PCDHA2: variants seen among roughly 807,000 people sequenced by gnomAD.
The protein encoded by PCDHA2 is protocadherin alpha 2, also known as protocadherin alpha-2.
Under a neutral mutation model 66.0 loss-of-function variants are expected in PCDHA2, and 58 were observed. That is an observed-to-expected ratio of 0.88 (90% confidence interval 0.71 to 1.09). The LOEUF is 1.09. Ranked by LOEUF, PCDHA2 falls within the 50% of genes least tolerant of loss-of-function variation. PCDHA2 has a pLI of 0.00. For synonymous variants in PCDHA2, 634 were observed against 554.0 expected (o/e 1.14, Z -2.03); for missense variants, 1,267 against 1,242.3 (o/e 1.02, Z -0.30).
chr5:140,933,522 T>A (rs1399438253), intron 1 of PCDHA2, among the ~76,000 whole-genome samples: 3 of 152,066 alleles, frequency 2.0e-5, no homozygotes, highest in Non-Finnish European at 4.4e-5. Flanking sequence ...AGCTGTTTTG[T>A]TTAAACTCAA....
intron 1 of PCDHA2, among the ~76,000 whole-genome samples, chr5:140,906,181 T>C (rs944915696): frequency 6.6e-6 from 1 of 152,170 alleles, no homozygotes. Flanking sequence ...CTTTGCATCC[T>C]TCAATCCAAT....
At chr5:140,809,303 G>A (rs1554125126) in intron 1 of PCDHA2, 35 of 1,614,100 alleles carry the variant, frequency 2.2e-5, no homozygotes, top group East Asian at 8.9e-5. Context: ...TGCCATCTGC[G>A]CGGTGTCCAG....
At position 140,850,416 on chromosome 5, in the gene PCDHA2, G is replaced by A. The variant is rs2150483366; in HGVS notation, c.2388+53064G>A. 14 of 1,598,000 alleles carry A rather than the reference G, an allele frequency of 8.8e-6. 2 individuals are homozygous for A. In the Admixed American group the frequency reaches 2.0e-4, roughly 23 times the overall value. Reference sequence around the variant, plus strand: ...CACAACGCGTGCCCTGGACGAAACGGACGCACCGCGCCAGCGCCTACTGGT... The same window carrying A: ...CACAACGCGTGCCCTGGACGAAACGAACGCACCGCGCCAGCGCCTACTGGT... On this transcript the variant is annotated intron_variant, in intron 1 of 3. Transcript: ENST00000526136.
At chr5:140,965,371 T>C (rs1195667342) in intron 1 of PCDHA2, among the ~76,000 whole-genome samples, 9 of 152,124 alleles carry the variant, frequency 5.9e-5, no homozygotes, top group African/African-American at 1.2e-4. Flanking sequence ...AAGAGGAAAC[T>C]TGGGGACACA....
At chr5:140,873,489 C>G (rs2054319766) in intron 1 of PCDHA2, among the ~76,000 whole-genome samples, 1 of 152,054 alleles carries the variant, frequency 6.6e-6, no homozygotes, top group Admixed American at 6.6e-5. Context: ...CTGATTTCTG[C>G]AAAGTTGTGT....
At chr5:140,995,491 AG>A (rs1467871177) in intron 3 of PCDHA2, among the ~76,000 whole-genome samples, 5 of 152,224 alleles carry the variant, frequency 3.3e-5, no homozygotes, top group Non-Finnish European at 5.9e-5. Context: ...TTTCAGACTA[AG>A]GTTGACTGTG....
intron 1 of PCDHA2, among the ~76,000 whole-genome samples, chr5:140,798,291 T>C (rs1554120641): frequency 1.3e-5 from 2 of 152,218 alleles, no homozygotes; most frequent in Non-Finnish European, 2.9e-5. Flanking sequence ...TAATCTTAAG[T>C]ATGTTTTTTA....
At chr5:140,824,610 G>GTCT (rs1768191919) in intron 1 of PCDHA2, 1 of 95,104 alleles carries the variant, frequency 1.1e-5, no homozygotes, top group East Asian at 3.0e-4. Flanking sequence ...GCTAATTAAA[G>GTCT]TTTTTTTTTT....
At chr5:140,968,187 A>G in intron 1 of PCDHA2, 3 of 1,614,064 alleles carry the variant, frequency 1.9e-6, no homozygotes, top group Non-Finnish European at 2.5e-6. Context: ...GAGGACTCCT[A>G]TTCCATCTAC....
intron 1 of PCDHA2, among the ~76,000 whole-genome samples, chr5:140,832,359 G>A (rs2150201276): frequency 9.9e-5 from 15 of 152,276 alleles, no homozygotes; most frequent in African/African-American, 3.4e-4. Context: ...TTCCTAATGT[G>A]AGCATTTTCC....
At chr5:140,842,725 C>T in intron 1 of PCDHA2, 3 of 1,595,120 alleles carry the variant, frequency 1.9e-6, no homozygotes, top group Non-Finnish European at 2.6e-6. Flanking sequence ...AGGAGAACAA[C>T]CCGCCGGGCT....
intron 1 of PCDHA2, chr5:140,822,777 A>C (rs1767430616): frequency 1.2e-6 from 2 of 1,614,096 alleles, no homozygotes; most frequent in Non-Finnish European, 1.7e-6. Flanking sequence ...GACACTGTAA[A>C]GTAGTAGTGA....
chr5:141,007,775 A>G (rs1156577699), intron 3 of PCDHA2, among the ~76,000 whole-genome samples: 2 of 152,216 alleles, frequency 1.3e-5, no homozygotes, highest in Non-Finnish European at 2.9e-5. Context: ...TGGAAATGGT[A>G]CTGCTTTACA....
At chr5:140,829,036 A>G (rs1770084971) in intron 1 of PCDHA2, 4 of 1,612,958 alleles carry the variant, frequency 2.5e-6, no homozygotes, top group Non-Finnish European at 3.4e-6. Flanking sequence ...AAGAAAACTT[A>G]TACAAAATCC....
chr5:140,870,962 C>G (rs1489353896), intron 1 of PCDHA2: 2 of 1,613,532 alleles, frequency 1.2e-6, no homozygotes, highest in African/African-American at 1.3e-5. Context: ...TCGCGCATCC[C>G]GTTCCGCGTG....
At chr5:140,840,692 G>A (rs181650579) in intron 1 of PCDHA2, among the ~76,000 whole-genome samples, 1 of 151,924 alleles carries the variant, frequency 6.6e-6, no homozygotes, top group African/African-American at 2.4e-5. Flanking sequence ...TAAATAAAAC[G>A]GTTCAGGCAA....
intron 2 of PCDHA2, among the ~76,000 whole-genome samples, chr5:140,979,418 T>A (rs895579689): frequency 3.3e-5 from 5 of 152,178 alleles, no homozygotes; most frequent in South Asian, 2.1e-4. Flanking sequence ...GTTTTTTTTT[T>A]AATCTCACAT....
chr5:140,946,631 T>TATATATATATATAC (rs57893927), intron 1 of PCDHA2, among the ~76,000 whole-genome samples: 2,707 of 131,678 alleles, frequency 0.021, 122 homozygotes, highest in African/African-American at 0.036. Flanking sequence ...TATATATATA[T>TATATATATATATAC]ACAATGGAAT....
intron 1 of PCDHA2, chr5:140,822,388 C>T: frequency 6.2e-7 from 1 of 1,614,066 alleles, no homozygotes; most frequent in Admixed American, 1.7e-5. Context: ...AGAAGAAACA[C>T]AAGAACACCG....
Sources: allele counts gnomAD v4.1 joint callset (sites outside exome capture counted in the v4.1 genomes callset), GRCh38; gene constraint gnomAD v4.1.1; transcripts MANE v1.5; gene names NCBI Gene and HGNC (gene_info 2026-07-23, HGNC 2026-07-21).